The following GULP1 variants were observed in gnomAD, a reference collection of about 807,000 sequenced individuals.
The protein encoded by GULP1 is GULP PTB domain containing engulfment adaptor 1.
Under a neutral mutation model 40.9 loss-of-function variants are expected in GULP1, and 19 were observed. The ratio of observed to expected loss-of-function variants is 0.46; its 90% CI spans 0.32 to 0.68. The LOEUF is 0.68. Among genes scored for constraint, GULP1 ranks in the 30% least tolerant of loss-of-function variants. The probability of loss-of-function intolerance (pLI) is 0.03; values close to 1 mark genes in which losing one functional copy is unlikely to be tolerated. For synonymous variants in GULP1, 119 were observed against 117.6 expected, an observed-to-expected ratio of 1.01 and a Z score of -0.08; for missense variants, 312 against 362.2, an observed-to-expected ratio of 0.86 and a Z score of 1.12.
At chr2:188,587,676 T>C (rs1010805301) in intron 10 of GULP1, among the ~76,000 whole-genome samples, 179 bp from the exon 11 acceptor site, 1 of 152,190 alleles carries the variant, frequency 6.6e-6, no homozygotes, top group African/African-American at 2.4e-5. Flanking sequence ...ATGGATCTTT[T>C]CTTCCTTGTT....
chr2:188,474,206 GA>G (rs1482252570), intron 2 of GULP1, among the ~76,000 whole-genome samples: 1 of 152,168 alleles, frequency 6.6e-6, no homozygotes, highest in Non-Finnish European at 1.5e-5. Context: ...TGAATGGAAA[GA>G]AGGGGTCTCT....
intron 4 of GULP1, among the ~76,000 whole-genome samples, chr2:188,500,836 G>A (rs973108378): frequency 3.3e-5 from 5 of 151,668 alleles, no homozygotes; most frequent in African/African-American, 7.3e-5. Context: ...CCCTTAATTC[G>A]TATCTTCTAA....
At chr2:188,577,744 A>C (rs1444120027) in intron 9 of GULP1, among the ~76,000 whole-genome samples, 1 of 152,098 alleles carries the variant, frequency 6.6e-6, no homozygotes, top group Non-Finnish European at 1.5e-5. Flanking sequence ...AGACCTAGAA[A>C]TCTGAAAAAA....
chr2:188,465,967 GTA>G (rs1292625708), intron 2 of GULP1, among the ~76,000 whole-genome samples: 2 of 149,332 alleles, frequency 1.3e-5, no homozygotes, highest in African/African-American at 5.1e-5. Context: ...GTGTGTGTGT[GTA>G]TATGTGTGTG....
intron 11 of GULP1, 38 bp downstream of exon 11, chr2:188,587,987 T>A: frequency 4.1e-6 from 4 of 987,058 alleles, no homozygotes; most frequent in Non-Finnish European, 6.6e-6. Context: ...AATGATTTAT[T>A]TCATTTTGAT....
intron 1 of GULP1, among the ~76,000 whole-genome samples, chr2:188,301,563 G>A (rs1361438881): frequency 1.3e-5 from 2 of 152,122 alleles, no homozygotes; most frequent in Non-Finnish European, 2.9e-5. Context: ...TAACTCAGGG[G>A]AAGTCAATCC....
intron 1 of GULP1, among the ~76,000 whole-genome samples, chr2:188,366,852 C>T (rs544536764): frequency 3.3e-5 from 5 of 152,252 alleles, no homozygotes; most frequent in African/African-American, 9.6e-5. Context: ...CTCGGCCTCC[C>T]GAAGTGCTGG....
chr2:188,565,057 A>G (rs1443986492), intron 7 of GULP1, among the ~76,000 whole-genome samples: 1 of 151,994 alleles, frequency 6.6e-6, no homozygotes, highest in Admixed American at 6.6e-5. Context: ...GAGGTGGATC[A>G]TAGACATAAA....
intron 2 of GULP1, among the ~76,000 whole-genome samples, chr2:188,459,597 A>T (rs1559265697): frequency 6.6e-6 from 1 of 151,816 alleles, no homozygotes; most frequent in African/African-American, 2.4e-5. Context: ...TAGTTTGCAA[A>T]TTTTTTATCC....
intron 1 of GULP1, among the ~76,000 whole-genome samples, chr2:188,382,788 A>T (rs2049167229): frequency 2.0e-5 from 3 of 152,222 alleles, no homozygotes; most frequent in Non-Finnish European, 4.4e-5. Context: ...CGGGAGGCTG[A>T]GACAGAAGAA....
chr2:188,514,028 G>T (rs974940076), intron 4 of GULP1, among the ~76,000 whole-genome samples: 6 of 93,032 alleles, frequency 6.4e-5, no homozygotes, highest in Non-Finnish European at 9.6e-5. Context: ...CTGTCTAAAT[G>T]GTCCCCTTCT....
intron 6 of GULP1, among the ~76,000 whole-genome samples, chr2:188,532,126 C>T (rs961700912): frequency 6.6e-6 from 1 of 152,064 alleles, no homozygotes; most frequent in Non-Finnish European, 1.5e-5. Flanking sequence ...TTCGTATGTT[C>T]TTGTTATTTT....
chr2:188,335,552 G>A (rs1043135124), intron 1 of GULP1, among the ~76,000 whole-genome samples: 3 of 152,092 alleles, frequency 2.0e-5, no homozygotes, highest in Non-Finnish European at 4.4e-5. Flanking sequence ...GTAGCATCCT[G>A]TATACATCAC....
intron 4 of GULP1, among the ~76,000 whole-genome samples, chr2:188,510,405 A>G (rs902506595): frequency 6.6e-6 from 1 of 152,066 alleles, no homozygotes; most frequent in Non-Finnish European, 1.5e-5. Context: ...AAAAAGATAT[A>G]TTTCCTTTTA....
At chr2:188,388,550 C>CA (rs1032695656) in intron 2 of GULP1, among the ~76,000 whole-genome samples, 25 of 150,286 alleles carry the variant, frequency 1.7e-4, no homozygotes, top group Admixed American at 6.0e-4. Flanking sequence ...CTCAAAAAAT[C>CA]AAAAAAAACA....
intron 9 of GULP1, among the ~76,000 whole-genome samples, chr2:188,572,275 T>G (rs919983861): frequency 2.0e-5 from 3 of 152,208 alleles, no homozygotes; most frequent in Admixed American, 2.0e-4. Flanking sequence ...TATTTAGCAA[T>G]TCTCATTAGT....
intron 1 of GULP1, among the ~76,000 whole-genome samples, chr2:188,297,291 C>T (rs1399055899): frequency 2.0e-5 from 3 of 151,904 alleles, no homozygotes; most frequent in African/African-American, 7.3e-5. Context: ...CATGGAAGCC[C>T]TTTCTACTCT....
intron 2 of GULP1, among the ~76,000 whole-genome samples, chr2:188,462,517 CG>C (rs1559269125): frequency 6.6e-6 from 1 of 152,032 alleles, no homozygotes; most frequent in African/African-American, 2.4e-5. Flanking sequence ...TATAGTGGGG[CG>C]TTGAAGTCTC....
At chr2:188,424,270 T>C (rs2152783700) in intron 2 of GULP1, among the ~76,000 whole-genome samples, 1 of 152,002 alleles carries the variant, frequency 6.6e-6, no homozygotes, top group Admixed American at 6.6e-5. Context: ...CTCATCAAAA[T>C]TACTAATATG....
Sources: gnomAD v4.1 joint callset for allele counts (sites outside exome capture counted in the v4.1 genomes callset) on GRCh38, gnomAD v4.1.1 for gene constraint, MANE v1.5 for transcripts, NCBI Gene and HGNC (gene_info 2026-07-23, HGNC 2026-07-21) for gene names.